Variants in JARID2 observed in about 807,000 individuals in gnomAD.
JARID2 encodes the protein jumonji and AT-rich interaction domain containing 2.
A neutral mutation model predicts 125.6 loss-of-function variants in JARID2; 21 were observed. That is an observed-to-expected ratio of 0.17 (90% CI 0.12 to 0.24). The LOEUF (loss-of-function observed/expected upper bound fraction) is 0.24. JARID2 is among the 10% of genes least tolerant of loss of function. The pLI, the probability that JARID2 is intolerant of heterozygous loss-of-function variation, is 1.00. For synonymous variants in JARID2, 736 were observed against 661.6 expected, an observed-to-expected ratio of 1.11 and a Z score of -1.73; for missense variants, 1,303 against 1,639.6, an observed-to-expected ratio of 0.79 and a Z score of 3.55.
intron 1 of JARID2, among the ~76,000 whole-genome samples, chr6:15,338,877 C>T (rs991848286): frequency 1.3e-5 from 2 of 152,172 alleles, no homozygotes; most frequent in Middle Eastern, 3.2e-3. Flanking sequence ...TTTCAGATGA[C>T]CCTGATAAGA....
At chr6:15,459,587 G>T (rs960436941) in intron 4 of JARID2, among the ~76,000 whole-genome samples, 16 of 152,300 alleles carry the variant, frequency 1.1e-4, no homozygotes, top group African/African-American at 3.6e-4. Context: ...TGAGGCAGAG[G>T]TAGTGGAGAG....
chr6:15,310,292 A>G (rs1581397467), intron 1 of JARID2, among the ~76,000 whole-genome samples: 1 of 152,172 alleles, frequency 6.6e-6, no homozygotes, highest in Non-Finnish European at 1.5e-5. Context: ...AAAAAATGAT[A>G]CTTCCTGCCA....
chr6:15,285,564 C>CATATATAT (rs34425330), intron 1 of JARID2, among the ~76,000 whole-genome samples: 13 of 150,786 alleles, frequency 8.6e-5, no homozygotes, highest in African/African-American at 2.9e-4. Context: ...GAAAAAAATA[C>CATATATAT]ATATATATAT....
chr6:15,369,340 T>C (rs376707440), intron 1 of JARID2: 1 of 449,164 alleles, frequency 2.2e-6, no homozygotes, highest in African/African-American at 2.0e-5. Context: ...ATATACAAGT[T>C]TGATTCCTGA....
chr6:15,278,413 C>T (rs931789865), intron 1 of JARID2, among the ~76,000 whole-genome samples: 4 of 151,684 alleles, frequency 2.6e-5, no homozygotes, highest in African/African-American at 7.3e-5. Flanking sequence ...GGTGAAACCC[C>T]GTCTCTACTA....
chr6:15,389,035 T>G (rs1431307877), intron 2 of JARID2, among the ~76,000 whole-genome samples: 1 of 152,184 alleles, frequency 6.6e-6, no homozygotes, highest in African/African-American at 2.4e-5. Context: ...CAGGCTAGCT[T>G]CTGGTGGTCT....
At chr6:15,265,926 G>C (rs1760067411) in intron 1 of JARID2, among the ~76,000 whole-genome samples, 2 of 152,104 alleles carry the variant, frequency 1.3e-5, no homozygotes. Context: ...GGTCTGTTAC[G>C]GTTTTGAAAG....
chr6:15,409,828 G>C (rs989410168), intron 2 of JARID2, among the ~76,000 whole-genome samples: 1 of 152,188 alleles, frequency 6.6e-6, no homozygotes, highest in African/African-American at 2.4e-5. Context: ...GGCAATTCCA[G>C]AAAGGATTTC....
At chr6:15,504,476 T>A in intron 8 of JARID2, 24 bp from the exon 9 acceptor site, 2 of 1,562,802 alleles carry the variant, frequency 1.3e-6, no homozygotes, top group Non-Finnish European at 1.8e-6. Flanking sequence ...TTCTGAAGCT[T>A]TACTGTTTTT....
At chr6:15,390,910 T>C (rs1764976346) in intron 2 of JARID2, among the ~76,000 whole-genome samples, 1 of 152,180 alleles carries the variant, frequency 6.6e-6, no homozygotes, top group Non-Finnish European at 1.5e-5. Flanking sequence ...ACCATCTGTT[T>C]GGTTTGTTGT....
At chr6:15,313,328 G>GA (rs1762077275) in intron 1 of JARID2, among the ~76,000 whole-genome samples, 1 of 152,196 alleles carries the variant, frequency 6.6e-6, no homozygotes, top group Admixed American at 6.5e-5. Flanking sequence ...GTTGTATGAA[G>GA]AAAGCGCTGT....
chr6:15,291,140 G>A (rs1017410435), intron 1 of JARID2, among the ~76,000 whole-genome samples: 2 of 152,170 alleles, frequency 1.3e-5, no homozygotes, highest in Non-Finnish European at 2.9e-5. Flanking sequence ...GGACGTTGCG[G>A]TGGGAGATTG....
chr6:15,258,332 T>C (rs758331911), intron 1 of JARID2, among the ~76,000 whole-genome samples: 5 of 152,202 alleles, frequency 3.3e-5, no homozygotes, highest in Non-Finnish European at 5.9e-5. Context: ...AGTCTGAAGT[T>C]GAGGATCTCT....
intron 2 of JARID2, chr6:15,400,935 T>C (rs774201335): frequency 1.6e-6 from 2 of 1,289,512 alleles, no homozygotes; most frequent in South Asian, 2.5e-5. Flanking sequence ...CTCTCTGCAA[T>C]GATCCGGCTC....
Position 15,496,771 on chromosome 6 carries a change from A to G in JARID2, c.1546A>G (p.Lys516Glu). 1.2e-6 allele frequency: 2 copies of G among 1,613,172 alleles called. No homozygotes were observed. The highest frequency in any genetic ancestry group is 1.1e-5 in the South Asian group (1 of 91,012). The change falls in exon 7 of 18, where the codon AAG (lysine) becomes GAG (glutamate). Residue 516 changes from lysine (K) to glutamate (E), a missense_variant. Transcript: ENST00000341776. ...KSTPGRQAHG[K>E]ADSASCENRS... is the part of the protein sequence containing the mutation. ...CACGCCAGGCAGACAAGCACATGGC[A>G]AGGCGGACAGCGCCTCCTGTGAAAA...
At chr6:15,409,553 T>C (rs1476690142) in intron 2 of JARID2, among the ~76,000 whole-genome samples, 2 of 152,178 alleles carry the variant, frequency 1.3e-5, no homozygotes, top group African/African-American at 4.8e-5. Flanking sequence ...CACAGCTGCT[T>C]TTTAGAGCCC....
chr6:15,406,555 G>T (rs958096026), intron 2 of JARID2, among the ~76,000 whole-genome samples: 1 of 152,168 alleles, frequency 6.6e-6, no homozygotes, highest in Non-Finnish European at 1.5e-5. Flanking sequence ...GGTACTCATT[G>T]CAATCCTCAG....
chr6:15,441,778 A>G (rs1049569784), intron 3 of JARID2, among the ~76,000 whole-genome samples: 1 of 151,816 alleles, frequency 6.6e-6, no homozygotes, highest in Non-Finnish European at 1.5e-5. Context: ...TTCTTTATTT[A>G]TTTATTTTTA....
chr6:15,367,642 CTA>C lies in JARID2; in HGVS notation c.46-6474_46-6473del, dbSNP rs1416235781. The stretch of plus-strand genomic sequence containing the variant: ...TGCGTCAAGACTCTGGAATTCATCT[CTA>C]GAAATAACTAAAAGTTTCACGATTA... On this transcript the variant is annotated intron_variant, in intron 1 of 17. Coordinates refer to ENST00000341776, the MANE Select transcript of JARID2 (RefSeq NM_004973.4). 5.9e-5 allele frequency among the ~76,000 whole-genome samples: 9 copies of C among 152,322 alleles called. 1 individual carries two copies. Among genetic ancestry groups the C allele is most frequent in the African/African-American group, 2.2e-4 (9 of 41,564 alleles).
Sources: allele counts gnomAD v4.1 joint callset (sites outside exome capture counted in the v4.1 genomes callset), GRCh38; gene constraint gnomAD v4.1.1; transcripts MANE v1.5; gene names NCBI Gene and HGNC (gene_info 2026-07-23, HGNC 2026-07-21).